SLC25A31: variants seen among roughly 807,000 people sequenced by gnomAD.
SLC25A31 encodes ADP/ATP translocase 4.
Under a neutral mutation model 36.2 loss-of-function variants are expected in SLC25A31, and 40 were observed. The observed-to-expected ratio is 1.10, with a 90% CI of 0.86 to 1.44. SLC25A31 has a LOEUF of 1.44. Ranked by LOEUF, SLC25A31 falls within the 40% of genes most tolerant of loss-of-function variation. SLC25A31 has a pLI of 0.00. For synonymous variants in SLC25A31, 143 were observed against 149.7 expected (o/e 0.96, Z 0.32); for missense variants, 350 against 397.1 (o/e 0.88, Z 1.01).
At chr4:127,742,436 T>A (rs185371917) in intron 1 of SLC25A31, among the ~76,000 whole-genome samples, 70 of 152,318 alleles carry the variant, frequency 4.6e-4, no homozygotes, top group Non-Finnish European at 8.5e-4. Context: ...TTCTTATTCC[T>A]CCCTAATTCT....
intron 4 of SLC25A31, among the ~76,000 whole-genome samples, chr4:127,768,400 G>C (rs1578673431): frequency 6.6e-6 from 1 of 152,034 alleles, no homozygotes; most frequent in African/African-American, 2.4e-5. Flanking sequence ...CATCAAATAT[G>C]TGTTGATGAT....
chr4:127,730,839 G>A (rs1261962853), intron 1 of SLC25A31, 62 bp downstream of exon 1: 1 of 1,486,812 alleles, frequency 6.7e-7, no homozygotes, highest in South Asian at 1.2e-5. Flanking sequence ...TCCCAGAGAA[G>A]AGGGTGGCTG....
chr4:127,758,742 G>A (rs77133039), intron 2 of SLC25A31, among the ~76,000 whole-genome samples: 1 of 152,110 alleles, frequency 6.6e-6, no homozygotes, highest in Non-Finnish European at 1.5e-5. Flanking sequence ...TTTTCTTATT[G>A]TTTATTATTG....
At chr4:127,767,242 G>T (rs1732262918) in intron 4 of SLC25A31, 22 bp downstream of exon 4, 3 of 1,481,962 alleles carry the variant, frequency 2.0e-6, no homozygotes, top group East Asian at 2.4e-5. Flanking sequence ...GCTTTAACTT[G>T]GACATATTAA....
At chr4:127,768,616 T>C (rs896370153) in intron 4 of SLC25A31, 136 bp from the exon 5 acceptor site, 3 of 683,686 alleles carry the variant, frequency 4.4e-6, no homozygotes, top group Middle Eastern at 4.3e-4. Context: ...TCTGCTACTA[T>C]TAAATCCAAC....
intron 2 of SLC25A31, among the ~76,000 whole-genome samples, chr4:127,749,653 G>A (rs1216133860): frequency 2.0e-5 from 3 of 149,234 alleles, no homozygotes; most frequent in Non-Finnish European, 4.4e-5. Flanking sequence ...AGATTGCAGT[G>A]AGCTGAGATT....
rs149503053 is a variant in SLC25A31, at chr4:127,748,075, A to G, written c.360+3276A>G. ...TCCAGGGTTTTTCTTTGGGATCAGTATCATAGGCGTGGAATGTGACTGACC... is the reference window on the plus strand; with the variant it reads ...TCCAGGGTTTTTCTTTGGGATCAGTGTCATAGGCGTGGAATGTGACTGACC... On this transcript the variant is annotated intron_variant, in intron 2 of 5. Transcript: ENST00000281154. Among the ~76,000 whole-genome samples, 241 of 152,314 alleles carry G rather than the reference A, an allele frequency of 1.6e-3. 1 individual carries two copies. The highest frequency in any genetic ancestry group is 5.5e-3 in the African/African-American group (228 of 41,572).
chr4:127,767,251 A>T, intron 4 of SLC25A31, 31 bp downstream of exon 4: 8 of 1,417,070 alleles, frequency 5.6e-6, no homozygotes, highest in Non-Finnish European at 7.4e-6. Flanking sequence ...TGGACATATT[A>T]AATATATGGT....
At chr4:127,754,304 C>T (rs1450061296) in intron 2 of SLC25A31, among the ~76,000 whole-genome samples, 1 of 151,780 alleles carries the variant, frequency 6.6e-6, no homozygotes, top group Non-Finnish European at 1.5e-5. Flanking sequence ...ATTAGACAAG[C>T]AAAAGAAATA....
At chr4:127,736,097 GC>G (rs1229212478) in intron 1 of SLC25A31, among the ~76,000 whole-genome samples, 3 of 151,274 alleles carry the variant, frequency 2.0e-5, no homozygotes, top group Admixed American at 6.6e-5. Flanking sequence ...CACCTTGTTA[GC>G]CAGGATGGTC....
At chr4:127,747,821 T>C (rs1373585769) in intron 2 of SLC25A31, among the ~76,000 whole-genome samples, 1 of 152,182 alleles carries the variant, frequency 6.6e-6, no homozygotes, top group Admixed American at 6.5e-5. Flanking sequence ...GGTCAGTGAC[T>C]AGAAGGACAT....
chr4:127,739,557 T>G (rs76821408), intron 1 of SLC25A31, among the ~76,000 whole-genome samples: 1 of 152,302 alleles, frequency 6.6e-6, no homozygotes, highest in Non-Finnish European at 1.5e-5. Flanking sequence ...GACATTCTGG[T>G]GACTATATGC....
intron 2 of SLC25A31, among the ~76,000 whole-genome samples, chr4:127,757,130 G>A (rs1433107943): frequency 6.6e-6 from 1 of 152,126 alleles, no homozygotes; most frequent in Non-Finnish European, 1.5e-5. Context: ...CTCAGCAGTA[G>A]AAAGGAAGAA....
At chr4:127,767,381 C>T (rs1221432938) in intron 4 of SLC25A31, among the ~76,000 whole-genome samples, 161 bp downstream of exon 4, 1 of 152,038 alleles carries the variant, frequency 6.6e-6, no homozygotes, top group Non-Finnish European at 1.5e-5. Context: ...TTGCCATAAC[C>T]TAATTAAATT....
intron 5 of SLC25A31, among the ~76,000 whole-genome samples, chr4:127,771,697 A>G (rs2148766872): frequency 6.6e-6 from 1 of 152,308 alleles, no homozygotes; most frequent in African/African-American, 2.4e-5. Context: ...CATACAGAAA[A>G]TGACGTCAGT....
rs145351539 is a variant in SLC25A31 at position 127,749,572 on chromosome 4, T to C, written c.360+4773T>C. Among the ~76,000 whole-genome samples, 788 of 152,068 alleles carry C rather than the reference T, an allele frequency of 5.2e-3. 8 individuals are homozygous for C. The highest frequency in any genetic ancestry group is 0.018 in the African/African-American group (745 of 41,492). On this transcript the variant is annotated intron_variant, in intron 2 of 5. Transcript: ENST00000281154. ...CATCCTGGCCAACGTGGTGAAACTT[T>C]ATCTCTACTAAAAATACAAAAATTA...
intron 1 of SLC25A31, among the ~76,000 whole-genome samples, chr4:127,743,184 G>A (rs1456736452): frequency 7.0e-6 from 1 of 142,586 alleles, no homozygotes; most frequent in Non-Finnish European, 1.5e-5. Context: ...ATGCTGGAAT[G>A]AGGTTGTGTG....
intron 2 of SLC25A31, among the ~76,000 whole-genome samples, chr4:127,750,078 C>G (rs1267365159): frequency 6.6e-6 from 1 of 152,092 alleles, no homozygotes; most frequent in Non-Finnish European, 1.5e-5. Context: ...AATATTACAC[C>G]TGGCTAAATT....
chr4:127,767,808 A>G (rs1732273824), intron 4 of SLC25A31, among the ~76,000 whole-genome samples: 1 of 152,108 alleles, frequency 6.6e-6, no homozygotes. Flanking sequence ...ACCTAGTTCT[A>G]GGAAACTTTT....
Sources: gnomAD v4.1 joint callset for allele counts (sites outside exome capture counted in the v4.1 genomes callset) on GRCh38, gnomAD v4.1.1 for gene constraint, MANE v1.5 for transcripts, NCBI Gene and HGNC (gene_info 2026-07-23, HGNC 2026-07-21) for gene names.